The following TBC1D1 variants were observed in gnomAD, a reference collection of about 807,000 sequenced individuals.
TBC1D1 encodes TBC1 domain family member 1.
TBC1D1 carries 89 observed loss-of-function variants against 125.6 expected under a neutral mutation model. The ratio of observed to expected loss-of-function variants is 0.71; its 90% CI spans 0.60 to 0.85. The LOEUF is 0.85. Ranked by LOEUF, TBC1D1 falls within the 40% of genes least tolerant of loss-of-function variation. The pLI, the probability that TBC1D1 is intolerant of heterozygous loss-of-function variation, is 0.00. For missense variants in TBC1D1, 1,377 were observed against 1,469.2 expected, an observed-to-expected ratio of 0.94 and a Z score of 1.03; for synonymous variants, 565 against 564.1, an observed-to-expected ratio of 1.00 and a Z score of -0.02.
Position 38,049,808 on chromosome 4 carries a change from C to T in TBC1D1, c.1820C>T (p.Pro607Leu). ...CACTTCCCCATCGAATGCCAGGAAC[C>T]TCCACAACCTGCCCGGGGGTCCCCG... The change falls in exon 11 of 20, where the codon CCT (proline) becomes CTT (leucine). Residue 607 changes from proline to leucine, a missense_variant. Physicochemically the swap from Pro to Leu is moderately conservative, Grantham distance 98. Around this residue, in one of 3 missense-constraint regions of TBC1D1, gnomAD observed 822 missense variants for 824.6 expected, o/e 1.00. Coordinates refer to ENST00000261439, the MANE Select transcript of TBC1D1 (RefSeq NM_015173.4). 6.2e-7 allele frequency: 1 copy of T among 1,614,176 alleles called. No homozygotes were observed. Among genetic ancestry groups the T allele is most frequent in the Non-Finnish European group, 8.5e-7 (1 of 1,180,036 alleles).
chr4:37,908,630 C>A (rs1199085126), intron 2 of TBC1D1, among the ~76,000 whole-genome samples: 1 of 152,158 alleles, frequency 6.6e-6, no homozygotes, highest in Non-Finnish European at 1.5e-5. Context: ...CTGAACGCGG[C>A]GTGGGTGTTT....
chr4:37,893,991 CTTT>C (rs34402649), intron 1 of TBC1D1, among the ~76,000 whole-genome samples: 10 of 136,958 alleles, frequency 7.3e-5, no homozygotes, highest in Non-Finnish European at 6.4e-5. Flanking sequence ...AGGTTTTTGA[CTTT>C]TTTTTTTTTT....
intron 12 of TBC1D1, among the ~76,000 whole-genome samples, chr4:38,068,671 C>T (rs2152507231): frequency 6.6e-6 from 1 of 152,306 alleles, no homozygotes. Flanking sequence ...ACTAATTATA[C>T]TTAAATGTAA....
Position 37,944,839 on chromosome 4 carries a change from G to C in TBC1D1, c.417+42327G>C, listed in dbSNP as rs1013939119. On this transcript the variant is annotated intron_variant, in intron 2 of 19. Transcript: ENST00000261439. ...TCACACTCGGTGGGCTGCACCCACT[G>C]TCCTGCACCCACTGTCTGACATGCC... 2.6e-5 allele frequency among the ~76,000 whole-genome samples: 4 copies of C among 152,138 alleles called. No homozygotes were observed. In the South Asian group the frequency reaches 6.2e-4, roughly 24 times the overall value.
chr4:37,939,816 A>G (rs920389607), intron 2 of TBC1D1, among the ~76,000 whole-genome samples: 4 of 152,202 alleles, frequency 2.6e-5, no homozygotes, highest in African/African-American at 9.7e-5. Context: ...CAGGTTTGTC[A>G]AAGATCAGAT....
chr4:37,906,909 G>A (rs77595819), intron 2 of TBC1D1, among the ~76,000 whole-genome samples: 2 of 151,976 alleles, frequency 1.3e-5, no homozygotes, highest in African/African-American at 4.8e-5. Context: ...AAAGACCATC[G>A]GTTTATTTGG....
chr4:37,930,961 G>A lies in TBC1D1; in HGVS notation c.417+28449G>A, dbSNP rs186575479. On this transcript the variant is annotated intron_variant, in intron 2 of 19. Transcript: ENST00000261439. ...TAGTAATGTCCTCTCCCATTCATATGGAGAAAGAATGGATTAGGAGACTTC... is the reference window on the plus strand; with the variant it reads ...TAGTAATGTCCTCTCCCATTCATATAGAGAAAGAATGGATTAGGAGACTTC... 3.3e-5 allele frequency among the ~76,000 whole-genome samples: 5 copies of A among 152,306 alleles called. No individual in the cohort carries two copies. The East Asian group carries it at 7.7e-4, about 24-fold the overall frequency.
At position 38,137,430 on chromosome 4, in the gene TBC1D1, G is replaced by A; in HGVS notation, c.*95G>A. 7.5e-7 allele frequency: 1 copy of A among 1,339,948 alleles called. No homozygotes were observed. The highest frequency in any genetic ancestry group is 2.8e-5 in the East Asian group (1 of 36,064). 83.0% of individuals were successfully genotyped at this position (1,339,948 alleles called of 1,614,324 possible). A position where few individuals can be genotyped will look rare whatever the true frequency, so the allele number is the denominator to read the frequency against. On this transcript the variant is annotated 3_prime_UTR_variant, in exon 20 of 20. Coordinates refer to ENST00000261439, the MANE Select transcript of TBC1D1 (RefSeq NM_015173.4). ...CTGGAAGGAGAGAAGGAAGCGGGAA[G>A]TGTGCTTCTCAGGGAGGAAACCGGC...
intron 2 of TBC1D1, among the ~76,000 whole-genome samples, chr4:38,000,745 C>T (rs973994507): frequency 6.6e-6 from 1 of 152,136 alleles, no homozygotes; most frequent in African/African-American, 2.4e-5. Context: ...CTGACACTAA[C>T]AACCTGAAGT....
At chr4:38,102,392 G>A (rs1443674027) in intron 14 of TBC1D1, among the ~76,000 whole-genome samples, 2 of 152,040 alleles carry the variant, frequency 1.3e-5, no homozygotes, top group African/African-American at 2.4e-5. Context: ...TTGGCACCAG[G>A]TTGGAGCTCA....
At chr4:37,895,119 C>T (rs1379642168) in intron 1 of TBC1D1, among the ~76,000 whole-genome samples, 3 of 152,196 alleles carry the variant, frequency 2.0e-5, no homozygotes, top group African/African-American at 4.8e-5. Flanking sequence ...CCGATTCTGC[C>T]ACTTCTTATA....
chr4:38,052,194 T>TGTGTGTGTGCGCGC (rs755025486), intron 11 of TBC1D1, 134 bp downstream of exon 12: 6 of 581,430 alleles, frequency 1.0e-5, no homozygotes, highest in Admixed American at 3.5e-5. Flanking sequence ...TGTGTGTGTG[T>TGTGTGTGTGCGCGC]GCGCGCGCGT....
At chr4:38,039,779 A>C (rs1747983569) in intron 8 of TBC1D1, among the ~76,000 whole-genome samples, 1 of 152,134 alleles carries the variant, frequency 6.6e-6, no homozygotes, top group African/African-American at 2.4e-5. Context: ...CAATATAATG[A>C]CTGCAATAGA....
At chr4:37,953,127 T>C (rs1728226853) in intron 2 of TBC1D1, among the ~76,000 whole-genome samples, 1 of 152,202 alleles carries the variant, frequency 6.6e-6, no homozygotes, top group Non-Finnish European at 1.5e-5. Context: ...AGTAATTTGG[T>C]GCCTTTTCCG....
chr4:37,931,222 C>T (rs111997767), intron 2 of TBC1D1, among the ~76,000 whole-genome samples: 5,883 of 152,188 alleles, frequency 0.039, 181 homozygotes, highest in Admixed American at 0.079. Context: ...CCTGCCTCAC[C>T]CTCCCAAGGA....
chr4:38,023,196 G>A (rs967025960), intron 6 of TBC1D1, among the ~76,000 whole-genome samples: 2 of 149,766 alleles, frequency 1.3e-5, no homozygotes, highest in East Asian at 3.9e-4. Flanking sequence ...GCAGTGAGCC[G>A]AGATTGTGCC....
intron 2 of TBC1D1, among the ~76,000 whole-genome samples, chr4:38,007,660 T>G (rs575428955): frequency 6.6e-6 from 1 of 152,326 alleles, no homozygotes; most frequent in South Asian, 2.1e-4. Context: ...TCCACCCTGT[T>G]TAGTCATTTA....
At chr4:38,107,588 T>G (rs11937426) in intron 15 of TBC1D1, among the ~76,000 whole-genome samples, 1 of 143,988 alleles carries the variant, frequency 6.9e-6, no homozygotes, top group South Asian at 2.3e-4. Context: ...TTTTTTTTTT[T>G]TTTTTTTTTT....
chr4:37,996,958 A>T (rs904213222), intron 2 of TBC1D1, among the ~76,000 whole-genome samples: 1 of 152,258 alleles, frequency 6.6e-6, no homozygotes, highest in African/African-American at 2.4e-5. Flanking sequence ...TTGGCTTTTT[A>T]AGATTTGGAC....
Sources: allele counts gnomAD v4.1 joint callset (sites outside exome capture counted in the v4.1 genomes callset), GRCh38; gene constraint gnomAD v4.1.1; regional missense constraint gnomAD v4.1.1; transcripts MANE v1.5; gene names NCBI Gene and HGNC (gene_info 2026-07-23, HGNC 2026-07-21).